Variants in DMD observed in about 807,000 individuals in gnomAD.
The protein encoded by DMD is dystrophin, also known as mutant dystrophin.
In DMD, 63 loss-of-function variants were observed where a neutral mutation model predicts 330.1. The observed-to-expected ratio is 0.19, with a 90% CI of 0.16 to 0.24. The LOEUF (loss-of-function observed/expected upper bound fraction) is 0.24. DMD is among the 10% of genes least tolerant of loss of function. The pLI, the probability that DMD is intolerant of heterozygous loss-of-function variation, is 1.00. For synonymous variants in DMD, 1,223 were observed against 959.8 expected, an observed-to-expected ratio of 1.27 and a Z score of -5.07; for missense variants, 3,344 against 2,684.1, an observed-to-expected ratio of 1.25 and a Z score of -5.43.
intron 1 of DMD, among the ~76,000 whole-genome samples, chrX:33,257,090 T>C (rs1321579082): frequency 9.0e-6 from 1 of 110,723 alleles, no homozygotes; most frequent in Non-Finnish European, 1.9e-5. Context: ...AAGGGGTTTC[T>C]GGAGACCGAG....
chrX:32,922,392 T>G (rs1003044871), intron 2 of DMD, among the ~76,000 whole-genome samples: 1 of 111,761 alleles, frequency 8.9e-6, no homozygotes, highest in African/African-American at 3.3e-5. Flanking sequence ...ATGTGTTTAC[T>G]TAGAGGAGTC....
chrX:32,082,008 G>A lies in DMD; in HGVS notation c.6439-113494C>T, dbSNP rs1280491276. 4.5e-5 allele frequency among the ~76,000 whole-genome samples: 5 copies of A among 111,283 alleles called. No individual in the cohort carries two copies. The Admixed American group carries it at 4.8e-4, about 11-fold the overall frequency. ...GTATTATTTCTCTTTTTATTTGGCT[G>A]TCAGGAGTTGTGTTTATTACTCTAT... On this transcript the variant is annotated intron_variant, in intron 44 of 78. Coordinates refer to ENST00000357033, the MANE Select transcript of DMD (RefSeq NM_004006.3).
chrX:31,891,937 C>G (rs1477433724), intron 47 of DMD, among the ~76,000 whole-genome samples: 1 of 111,840 alleles, frequency 8.9e-6, no homozygotes, highest in Non-Finnish European at 1.9e-5. Flanking sequence ...CATTAATTTA[C>G]CCAAATTGGA....
At chrX:31,253,614 A>C (rs1316798) in intron 63 of DMD, among the ~76,000 whole-genome samples, 27,249 of 110,522 alleles carry the variant, frequency 0.25, 2,606 homozygotes, top group East Asian at 0.47. Context: ...AGTGTTTTTA[A>C]CTCTCTTGCA....
Position 32,123,202 on chromosome X carries a change from CATATATATATATATATATATATAT to C in DMD, c.6438+93690_6438+93713del, listed in dbSNP as rs59017074. Among the ~76,000 whole-genome samples, 13 of 32,561 alleles carry C rather than the reference CATATATATATATATATATATATAT, an allele frequency of 4.0e-4. No individual in the cohort carries two copies. In the South Asian group the frequency reaches 5.7e-3, roughly 14 times the overall value. 28.3% of individuals were successfully genotyped at this position (32,561 alleles called of 115,157 possible). ...TAAGGTGAATGGTTTTGTGAGCATG[CATATATATATATATATATATATAT>C]ATATATATATATATATAAATGATCA... On this transcript the variant is annotated intron_variant, in intron 44 of 78. Transcript: ENST00000357033.
At chrX:32,665,979 T>A (rs112427626) in intron 9 of DMD, among the ~76,000 whole-genome samples, 4 of 111,077 alleles carry the variant, frequency 3.6e-5, no homozygotes, top group Non-Finnish European at 7.5e-5. Context: ...AATGACAGTA[T>A]GTAATAGTCA....
At chrX:33,249,812 A>T (rs1156826624) in intron 1 of DMD, among the ~76,000 whole-genome samples, 1 of 110,349 alleles carries the variant, frequency 9.1e-6, no homozygotes, top group East Asian at 2.8e-4. Context: ...CCTAAAGACT[A>T]AAATTTTATT....
intron 63 of DMD, among the ~76,000 whole-genome samples, chrX:31,233,924 G>T (rs1479003516): frequency 3.6e-5 from 4 of 111,482 alleles, no homozygotes; most frequent in Non-Finnish European, 7.5e-5. Flanking sequence ...GGTCAGTTTG[G>T]GCTCACATAA....
intron 7 of DMD, among the ~76,000 whole-genome samples, chrX:32,795,790 GA>G (rs1032604492): frequency 9.0e-6 from 1 of 111,426 alleles, no homozygotes; most frequent in Non-Finnish European, 1.9e-5. Flanking sequence ...ATTAAAAATG[GA>G]CAAAGGACAA....
intron 1 of DMD, among the ~76,000 whole-genome samples, chrX:33,154,259 T>A (rs902821941): frequency 3.6e-5 from 4 of 110,277 alleles, no homozygotes; most frequent in African/African-American, 1.3e-4. Flanking sequence ...TAGCCAGGCG[T>A]GGTGGTGGGC....
intron 61 of DMD, among the ~76,000 whole-genome samples, chrX:31,327,213 T>C (rs1036898022): frequency 8.9e-6 from 1 of 112,283 alleles, no homozygotes; most frequent in Non-Finnish European, 1.9e-5. Context: ...AAACTACACA[T>C]GCATTTATTT....
At chrX:32,408,561 G>A (rs950479883) in intron 30 of DMD, among the ~76,000 whole-genome samples, 8 of 111,293 alleles carry the variant, frequency 7.2e-5, no homozygotes, top group Non-Finnish European at 1.5e-4. Flanking sequence ...AAATTAACTA[G>A]CAAAACTCTC....
chrX:32,441,415 G>A (rs2098281115), intron 27 of DMD, 101 bp from the exon 28 acceptor site: 3 of 833,759 alleles, frequency 3.6e-6, no homozygotes, highest in African/African-American at 2.0e-5. Context: ...ATAACACTTT[G>A]TATTTTTCAC....
intron 13 of DMD, among the ~76,000 whole-genome samples, chrX:32,592,450 A>T (rs1005330415): frequency 1.8e-5 from 2 of 110,750 alleles, no homozygotes; most frequent in African/African-American, 6.6e-5. Flanking sequence ...TAAAGGAGCC[A>T]CCCACCATGG....
intron 55 of DMD, among the ~76,000 whole-genome samples, chrX:31,510,619 T>C (rs187543487): frequency 1.6e-3 from 172 of 106,882 alleles, no homozygotes; most frequent in African/African-American, 5.3e-3. Context: ...GCCATTCTCC[T>C]GCCTCAGCCT....
intron 2 of DMD, among the ~76,000 whole-genome samples, chrX:32,940,243 C>T (rs1332336200): frequency 8.9e-6 from 1 of 111,861 alleles, no homozygotes; most frequent in Non-Finnish European, 1.9e-5. Context: ...GTATTGTATA[C>T]TTGAAATTTG....
rs181238166 is a variant in DMD at position 32,707,750 on chromosome X, G to T, written c.650-8457C>A. Among the ~76,000 whole-genome samples, 405 of 111,656 alleles carry T rather than the reference G, an allele frequency of 3.6e-3. 8 individuals carry two copies. Among genetic ancestry groups the T allele is most frequent in the Admixed American group, 0.034 (359 of 10,407 alleles). On this transcript the variant is annotated intron_variant, in intron 7 of 78. Transcript: ENST00000357033. ...TGGTATGTAACTTCTAAACCCAGGA[G>T]AACAGACACTAACTTGACATAACAA...
chrX:33,298,316 T>G (rs144224927), intron 1 of DMD, among the ~76,000 whole-genome samples: 1,848 of 111,579 alleles, frequency 0.017, 11 homozygotes, highest in South Asian at 0.076. Flanking sequence ...TACTCAAAAT[T>G]TAATTAATCT....
At chrX:31,623,339 C>T (rs1396760268) in intron 55 of DMD, among the ~76,000 whole-genome samples, 1 of 111,462 alleles carries the variant, frequency 9.0e-6, no homozygotes, top group Non-Finnish European at 1.9e-5. Context: ...TCTCGGCTCA[C>T]TGCAACCTCC....
Sources: allele counts gnomAD v4.1 joint callset (sites outside exome capture counted in the v4.1 genomes callset), GRCh38; gene constraint gnomAD v4.1.1; transcripts MANE v1.5; gene names NCBI Gene and HGNC (gene_info 2026-07-23, HGNC 2026-07-21).